Variants in PHF21A observed in about 807,000 individuals in gnomAD.
PHF21A encodes PHD finger protein 21A.
A neutral mutation model predicts 82.5 loss-of-function variants in PHF21A; 11 were observed. The observed-to-expected ratio is 0.13, with a 90% CI of 0.08 to 0.22. PHF21A has a LOEUF of 0.22. PHF21A is among the 10% of genes least tolerant of loss of function. The probability of loss-of-function intolerance (pLI) is 1.00; values close to 1 mark genes in which losing one functional copy is unlikely to be tolerated. For missense variants in PHF21A, 579 were observed against 837.8 expected, an observed-to-expected ratio of 0.69 and a Z score of 3.81; for synonymous variants, 297 against 302.8, an observed-to-expected ratio of 0.98 and a Z score of 0.20.
chr11:45,981,922 TTC>T (rs906141863), intron 6 of PHF21A, among the ~76,000 whole-genome samples: 2 of 151,100 alleles, frequency 1.3e-5, no homozygotes, highest in African/African-American at 4.8e-5. Flanking sequence ...TTTGGTTTGT[TTC>T]TCTCTTTTTG....
chr11:46,014,512 C>T (rs1352883856), intron 6 of PHF21A, among the ~76,000 whole-genome samples: 2 of 152,140 alleles, frequency 1.3e-5, no homozygotes, highest in African/African-American at 4.8e-5. Context: ...GAGGTATTTT[C>T]CTTTGGGTAT....
At chr11:45,975,888 C>T (rs1294875504) in intron 7 of PHF21A, among the ~76,000 whole-genome samples, 1 of 152,096 alleles carries the variant, frequency 6.6e-6, no homozygotes, top group African/African-American at 2.4e-5. Context: ...CCGATTGCTA[C>T]TTAATATTTA....
chr11:45,973,003 G>A (rs951636568), intron 7 of PHF21A, among the ~76,000 whole-genome samples: 8 of 151,934 alleles, frequency 5.3e-5, no homozygotes, highest in East Asian at 3.9e-4. Flanking sequence ...ACTTGAACCC[G>A]TGAGGCAGAG....
chr11:45,930,827 C>G lies in PHF21A; in HGVS notation c.*3141G>C, dbSNP rs181516764. On this transcript the variant is annotated 3_prime_UTR_variant, in exon 19 of 19. Coordinates refer to ENST00000676320, the MANE Select transcript of PHF21A (RefSeq NM_001352027.3). Reference sequence around the variant, plus strand: ...ATTCTGGGCCGTGGGGAAAGAGCAGCGGAGGGAAGGAGGAGGAAGCAAGTG... The same window carrying G: ...ATTCTGGGCCGTGGGGAAAGAGCAGGGGAGGGAAGGAGGAGGAAGCAAGTG... 6.6e-6 allele frequency: 1 copy of G among 150,742 alleles called. No individual in the cohort carries two copies. Among genetic ancestry groups the G allele is most frequent in the African/African-American group, 2.5e-5 (1 of 40,744 alleles). The allele number at this position is 150,742 out of a possible 1,614,324, so 9.3% of individuals were successfully genotyped here.
chr11:46,101,859 C>CTT (rs749509550), intron 1 of PHF21A, among the ~76,000 whole-genome samples: 2 of 141,036 alleles, frequency 1.4e-5, no homozygotes, highest in Non-Finnish European at 3.1e-5. Flanking sequence ...TGGTCTCCCT[C>CTT]TTTTTTTTTT....
rs1041769580 is a variant in PHF21A, at chr11:45,971,230, C to A, written c.498G>T (p.Lys166Asn). 1 of 1,614,050 alleles carries A rather than the reference C, an allele frequency of 6.2e-7. No individual in the cohort carries two copies. Among genetic ancestry groups the A allele is most frequent in the Non-Finnish European group, 8.5e-7 (1 of 1,180,044 alleles). ...IAMVTAINSQKAVLSTDVQNT... is the reference protein window; with the variant it reads ...IAMVTAINSQNAVLSTDVQNT... ...TCTGCACATCAGTGCTGAGCACAGC[C>A]TTCTGACTGTTGATGGCGGTCACCA... Residue 166 changes from lysine to asparagine, a missense_variant, in exon 8 of 19, where the codon AAG becomes AAT. Physicochemically the swap from Lys to Asn is moderately conservative, Grantham distance 94. Around this residue, in one of 3 missense-constraint regions of PHF21A, gnomAD observed 410 missense variants for 642.1 expected, o/e 0.64. Transcript: ENST00000676320.
At chr11:46,116,258 A>T (rs1233832980) in intron 1 of PHF21A, among the ~76,000 whole-genome samples, 1 of 152,230 alleles carries the variant, frequency 6.6e-6, no homozygotes, top group African/African-American at 2.4e-5. Context: ...TCTAAAATAG[A>T]AAAACAAAAA....
chr11:46,058,741 A>G (rs1453390824), intron 6 of PHF21A, among the ~76,000 whole-genome samples: 1 of 152,144 alleles, frequency 6.6e-6, no homozygotes, highest in Admixed American at 6.5e-5. Flanking sequence ...TACTAGTAAT[A>G]TGGTCCCCTG....
chr11:45,991,575 C>T (rs2094701808), intron 6 of PHF21A, among the ~76,000 whole-genome samples: 1 of 152,120 alleles, frequency 6.6e-6, no homozygotes, highest in African/African-American at 2.4e-5. Flanking sequence ...CACACACATG[C>T]ACGCGTGCAC....
chr11:46,112,671 A>G (rs1410358564), intron 1 of PHF21A, among the ~76,000 whole-genome samples: 1 of 152,224 alleles, frequency 6.6e-6, no homozygotes, highest in East Asian at 1.9e-4. Context: ...GTTGACAATT[A>G]TTACAGAAGA....
At position 45,938,154 on chromosome 11, in the gene PHF21A, T is replaced by C; in HGVS notation, c.1608+3A>G. 1 of 1,583,776 alleles carries C rather than the reference T, an allele frequency of 6.3e-7. No individual in the cohort carries two copies. Among genetic ancestry groups the C allele is most frequent in the Non-Finnish European group, 8.6e-7 (1 of 1,162,758 alleles). On this transcript the variant is annotated splice_donor_region_variant and intron_variant, in intron 16 of 18. Transcript: ENST00000676320. ...CCTCCCCTGTTGGACCCACCCACAG[T>C]ACCTGGTCCTGACATCTGGGACAGA...
At chr11:45,984,740 A>G (rs535369007) in intron 6 of PHF21A, among the ~76,000 whole-genome samples, 38 of 152,294 alleles carry the variant, frequency 2.5e-4, no homozygotes, top group African/African-American at 9.1e-4. Context: ...TCTCAAAAGA[A>G]ACTCCAAGAC....
At chr11:46,019,668 C>T (rs955578054) in intron 6 of PHF21A, among the ~76,000 whole-genome samples, 7 of 152,296 alleles carry the variant, frequency 4.6e-5, no homozygotes, top group African/African-American at 7.2e-5. Context: ...AGCAATCAGA[C>T]GGCATTCCAA....
chr11:45,974,441 T>TTAG (rs1415064085), intron 7 of PHF21A, among the ~76,000 whole-genome samples: 1 of 150,608 alleles, frequency 6.6e-6, no homozygotes, highest in Non-Finnish European at 1.5e-5. Context: ...ATTATTATTA[T>TTAG]TATTATTATT....
chr11:46,089,417 T>A lies in PHF21A; in HGVS notation c.-84+1038A>T, dbSNP rs112116826. On this transcript the variant is annotated intron_variant, in intron 3 of 18. Transcript: ENST00000676320. ...TTTAACATTTATTAACATGAATCAA[T>A]ACAAATGACAACATTAAAAAACATA... Among the ~76,000 whole-genome samples the A allele has an allele frequency of 2.0e-3, 297 of 152,284 alleles. 1 individual carries two copies. The highest frequency in any genetic ancestry group is 6.6e-3 in the African/African-American group (273 of 41,564).
At chr11:46,070,892 T>G (rs1010155575) in intron 6 of PHF21A, among the ~76,000 whole-genome samples, 4 of 152,198 alleles carry the variant, frequency 2.6e-5, no homozygotes, top group Non-Finnish European at 5.9e-5. Context: ...GCAGAGTGCT[T>G]TTTTCCCCTG....
chr11:46,035,174 T>G lies in PHF21A; in HGVS notation c.153+41580A>C, dbSNP rs943946656. Among the ~76,000 whole-genome samples the G allele has an allele frequency of 5.9e-5, 9 of 152,292 alleles. 1 individual carries two copies. Among genetic ancestry groups the G allele is most frequent in the Admixed American group, 4.6e-4 (7 of 15,296 alleles). On this transcript the variant is annotated intron_variant, in intron 6 of 18. Transcript: ENST00000676320. Reference sequence around the variant, plus strand: ...AGCTAGTTTGAGCTGAATGTGTAATTTGCAATCAAGACAGTCCTGACTAGG... The same window carrying G: ...AGCTAGTTTGAGCTGAATGTGTAATGTGCAATCAAGACAGTCCTGACTAGG...
intron 7 of PHF21A, among the ~76,000 whole-genome samples, chr11:45,974,705 G>A (rs1339959678): frequency 1.3e-5 from 2 of 151,754 alleles, no homozygotes; most frequent in Non-Finnish European, 2.9e-5. Context: ...CTCCCACATC[G>A]GCCTCCCAAA....
chr11:46,115,038 A>G (rs1055135545), intron 1 of PHF21A, among the ~76,000 whole-genome samples: 1 of 152,240 alleles, frequency 6.6e-6, no homozygotes, highest in African/African-American at 2.4e-5. Context: ...AAGGCAGAAA[A>G]CATTTCTGTA....
Sources: allele counts gnomAD v4.1 joint callset (sites outside exome capture counted in the v4.1 genomes callset), GRCh38; gene constraint gnomAD v4.1.1; regional missense constraint gnomAD v4.1.1; transcripts MANE v1.5; gene names NCBI Gene and HGNC (gene_info 2026-07-23, HGNC 2026-07-21).